Variants in APOLD1 observed in about 807,000 individuals in gnomAD.
APOLD1 encodes the protein apolipoprotein L domain-containing protein 1.
A neutral mutation model predicts 15.3 loss-of-function variants in APOLD1; 22 were observed. That is an observed-to-expected ratio of 1.44 (90% confidence interval 1.03 to 2.05). The LOEUF (loss-of-function observed/expected upper bound fraction) is 2.05, where lower values mean the gene tolerates loss of function less well. Ranked by LOEUF, APOLD1 falls within the 30% of genes most tolerant of loss-of-function variation. The pLI is 0.00. For missense variants in APOLD1, 394 were observed against 353.5 expected (o/e 1.11, Z -0.92); for synonymous variants, 190 against 167.4 (o/e 1.13, Z -1.04).
intron 1 of APOLD1, among the ~76,000 whole-genome samples, chr12:12,737,021 C>A (rs1056732867): frequency 1.3e-5 from 2 of 152,150 alleles, no homozygotes; most frequent in East Asian, 3.8e-4. Context: ...TTTGGCTGTG[C>A]GATTGGCGTG....
chr12:12,768,787 G>T lies in APOLD1; in HGVS notation c.97-18122G>T, dbSNP rs80159018. 3.3e-3 allele frequency among the ~76,000 whole-genome samples: 493 copies of T among 151,224 alleles called. 4 individuals are homozygous for T. Among genetic ancestry groups the T allele is most frequent in the African/African-American group, 0.011 (465 of 41,206 alleles). ...TGCAGAGGCCTAACTTATAGAAAAT[G>T]CCTCCTACCTTTTTCAAAGGTAGTT... is the stretch of plus-strand genomic sequence containing the variant. On this transcript the variant is annotated intron_variant, in intron 1 of 1. Transcript: ENST00000326765.
chr12:12,748,283 C>G (rs1946781465), intron 1 of APOLD1, among the ~76,000 whole-genome samples: 1 of 152,166 alleles, frequency 6.6e-6, no homozygotes, highest in South Asian at 2.1e-4. Context: ...TGTAAACAAA[C>G]AGTCCAAGTT....
At chr12:12,765,891 A>T (rs1008636583) in intron 1 of APOLD1, among the ~76,000 whole-genome samples, 6 of 152,212 alleles carry the variant, frequency 3.9e-5, no homozygotes, top group Non-Finnish European at 7.3e-5. Flanking sequence ...AAAAACAACA[A>T]GAACAAAATG....
At position 12,750,623 on chromosome 12, in the gene APOLD1, G is replaced by GT. The variant is rs1250347426; in HGVS notation, c.96+24535dup. Among the ~76,000 whole-genome samples, 11 of 151,750 alleles carry GT rather than the reference G, an allele frequency of 7.2e-5. No homozygotes were observed. In the South Asian group the frequency reaches 1.0e-3, roughly 14 times the overall value. On this transcript the variant is annotated intron_variant, in intron 1 of 1. Coordinates refer to the APOLD1 transcript ENST00000326765. ...AATATTATTGGTATTTTCTTATTGA[G>GT]TTTTTTTTGCGCATATTATTGGAGT... is the stretch of plus-strand genomic sequence containing the variant.
At chr12:12,750,341 C>T (rs1439113166) in intron 1 of APOLD1, among the ~76,000 whole-genome samples, 1 of 131,920 alleles carries the variant, frequency 7.6e-6, no homozygotes, top group Non-Finnish European at 1.5e-5. Flanking sequence ...CATTGCATTT[C>T]AGCCTGGTCA....
At chr12:12,757,168 A>G (rs545346023) in intron 1 of APOLD1, among the ~76,000 whole-genome samples, 1 of 152,302 alleles carries the variant, frequency 6.6e-6, no homozygotes, top group African/African-American at 2.4e-5. Context: ...CCTTACCATC[A>G]TCTCCAAAGA....
At chr12:12,737,233 TA>T (rs200998135) in intron 1 of APOLD1, among the ~76,000 whole-genome samples, 173 of 151,946 alleles carry the variant, frequency 1.1e-3, no homozygotes, top group African/African-American at 3.8e-3. Flanking sequence ...GTTTTTTTTT[TA>T]AATTGAAGAT....
intron 1 of APOLD1, among the ~76,000 whole-genome samples, chr12:12,747,121 A>G (rs1367919685): frequency 2.0e-5 from 3 of 152,076 alleles, no homozygotes; most frequent in African/African-American, 7.2e-5. Context: ...ATACATATAT[A>G]TTTTTTTCTA....
intron 1 of APOLD1, among the ~76,000 whole-genome samples, chr12:12,750,439 C>T (rs1405364749): frequency 6.7e-6 from 1 of 149,934 alleles, no homozygotes; most frequent in Admixed American, 6.7e-5. Context: ...AATTTTAACC[C>T]ACACATGTAA....
chr12:12,756,823 A>G (rs142196820), intron 1 of APOLD1, among the ~76,000 whole-genome samples: 17 of 151,820 alleles, frequency 1.1e-4, no homozygotes, highest in African/African-American at 4.1e-4. Context: ...GTCTTGCTCT[A>G]TTGCCCAGGC....
chr12:12,752,770 A>T (rs1324898659), intron 1 of APOLD1, among the ~76,000 whole-genome samples: 1 of 152,072 alleles, frequency 6.6e-6, no homozygotes, highest in Non-Finnish European at 1.5e-5. Flanking sequence ...CACTAAGAAT[A>T]CTCCTTGCCC....
chr12:12,746,913 G>A (rs909161385), intron 1 of APOLD1, among the ~76,000 whole-genome samples: 7 of 151,992 alleles, frequency 4.6e-5, no homozygotes, highest in Non-Finnish European at 1.0e-4. Flanking sequence ...CTGTTCCTGC[G>A]TTAATTTGCT....
intron 1 of APOLD1, among the ~76,000 whole-genome samples, chr12:12,758,890 A>C (rs1565432015): frequency 6.6e-6 from 1 of 152,184 alleles, no homozygotes; most frequent in Non-Finnish European, 1.5e-5. Context: ...TCTCTTTGGC[A>C]TATATGAATT....
intron 1 of APOLD1, 125 bp downstream of exon 1, chr12:12,785,819 A>C: frequency 1.1e-6 from 1 of 943,422 alleles, no homozygotes; most frequent in Non-Finnish European, 1.7e-6. Context: ...TCCTGTGAAT[A>C]AGGAGATGAG....
chr12:12,782,295 A>C (rs1947087800), upstream of APOLD1, among the ~76,000 whole-genome samples: 1 of 140,440 alleles, frequency 7.1e-6, no homozygotes. Flanking sequence ...ACAAACAAAC[A>C]CTACCAGTTC....
intron 1 of APOLD1, among the ~76,000 whole-genome samples, chr12:12,766,148 G>A (rs927851814): frequency 6.6e-6 from 1 of 152,104 alleles, no homozygotes; most frequent in Non-Finnish European, 1.5e-5. Flanking sequence ...GAATATAATG[G>A]GAATAATATG....
chr12:12,727,383 A>T (rs1946601109), intron 1 of APOLD1, among the ~76,000 whole-genome samples: 1 of 152,094 alleles, frequency 6.6e-6, no homozygotes. Flanking sequence ...TTTTTAGTGG[A>T]GTTACTAGAC....
intron 1 of APOLD1, among the ~76,000 whole-genome samples, chr12:12,753,015 A>AG (rs1221476578): frequency 6.6e-6 from 1 of 152,098 alleles, no homozygotes; most frequent in Non-Finnish European, 1.5e-5. Context: ...ACCTGGGAGG[A>AG]GGGGGGTGCA....
intron 1 of APOLD1, chr12:12,726,462 G>T: frequency 3.5e-6 from 1 of 287,038 alleles, no homozygotes; most frequent in Admixed American, 4.8e-5. Context: ...TAATGGAAAT[G>T]ACATTCTTTA....
Sources: gnomAD v4.1 joint callset for allele counts (sites outside exome capture counted in the v4.1 genomes callset) on GRCh38, gnomAD v4.1.1 for gene constraint, MANE v1.5 for transcripts, NCBI Gene and HGNC (gene_info 2026-07-23, HGNC 2026-07-21) for gene names.